PTPN12: variants seen among roughly 807,000 people sequenced by gnomAD.
The protein encoded by PTPN12 is tyrosine-protein phosphatase non-receptor type 12.
Under a neutral mutation model 97.6 loss-of-function variants are expected in PTPN12, and 29 were observed. That is an observed-to-expected ratio of 0.30 (90% CI 0.22 to 0.41). The LOEUF (loss-of-function observed/expected upper bound fraction) is 0.41. PTPN12 is among the 10% of genes least tolerant of loss of function. The pLI is 1.00. For synonymous variants in PTPN12, 327 were observed against 300.4 expected (o/e 1.09, Z -0.91); for missense variants, 819 against 926.0 (o/e 0.88, Z 1.50).
chr7:77,607,838 C>G (rs916947684), intron 9 of PTPN12, among the ~76,000 whole-genome samples: 1 of 151,880 alleles, frequency 6.6e-6, no homozygotes, highest in African/African-American at 2.4e-5. Flanking sequence ...ACTGCAACCT[C>G]CACCTCCTGG....
intron 5 of PTPN12, among the ~76,000 whole-genome samples, chr7:77,587,448 G>A (rs994877838): frequency 2.0e-5 from 3 of 152,146 alleles, no homozygotes; most frequent in African/African-American, 7.2e-5. Context: ...CCATGCAATA[G>A]GGATGGGCTG....
At chr7:77,543,032 G>A (rs559712816) in intron 1 of PTPN12, among the ~76,000 whole-genome samples, 1 of 152,234 alleles carries the variant, frequency 6.6e-6, no homozygotes, top group South Asian at 2.1e-4. Flanking sequence ...TCCTGAGAAG[G>A]TGTGGTCAAG....
intron 5 of PTPN12, among the ~76,000 whole-genome samples, chr7:77,590,301 C>T (rs536694671): frequency 1.3e-5 from 2 of 152,224 alleles, no homozygotes; most frequent in South Asian, 2.1e-4. Context: ...TTAGTCACAC[C>T]GCTTTCTATT....
At chr7:77,589,288 T>C (rs1215431458) in intron 5 of PTPN12, among the ~76,000 whole-genome samples, 2 of 152,200 alleles carry the variant, frequency 1.3e-5, no homozygotes, top group Non-Finnish European at 2.9e-5. Context: ...TTTTCTAACA[T>C]TGGTATTTTT....
chr7:77,549,578 G>GT (rs1807386488), intron 1 of PTPN12, among the ~76,000 whole-genome samples: 2 of 148,438 alleles, frequency 1.3e-5, no homozygotes, highest in African/African-American at 2.5e-5. Flanking sequence ...GTTTTTGTTT[G>GT]TTTGTTTTTT....
At chr7:77,581,637 C>A in intron 3 of PTPN12, 134 bp downstream of exon 3, 1 of 460,262 alleles carries the variant, frequency 2.2e-6, no homozygotes, top group Non-Finnish European at 3.8e-6. Context: ...ACTGCCCTGG[C>A]ACAATGTTTT....
intron 1 of PTPN12, among the ~76,000 whole-genome samples, chr7:77,564,746 GTTTTTTTTTTTTTTTTTTTTT>G (rs764476553): frequency 2.9e-4 from 13 of 45,370 alleles, no homozygotes; most frequent in Non-Finnish European, 5.0e-4. Flanking sequence ...TTGTTGTCGT[GTTTTTTTTTTTTTTTTTTTTT>G]TTTTTTTTTG....
intron 1 of PTPN12, 151 bp from the exon 2 acceptor site, chr7:77,570,927 T>A (rs1787104783): frequency 1.4e-5 from 7 of 510,014 alleles, no homozygotes; most frequent in Non-Finnish European, 2.1e-5. Flanking sequence ...TAAAAGAAAT[T>A]ATCCTTGGGG....
intron 11 of PTPN12, among the ~76,000 whole-genome samples, chr7:77,616,739 A>G (rs1457394976): frequency 6.6e-6 from 1 of 152,180 alleles, no homozygotes; most frequent in Non-Finnish European, 1.5e-5. Context: ...TGGTTATATC[A>G]TTAATGGAAA....
At chr7:77,626,192 G>A (rs1789173681) in intron 12 of PTPN12, among the ~76,000 whole-genome samples, 3 of 152,130 alleles carry the variant, frequency 2.0e-5, no homozygotes, top group Non-Finnish European at 4.4e-5. Flanking sequence ...AGAAATCCAA[G>A]GCAGTCATTA....
At chr7:77,625,472 G>GCTCTCTCTCTCTCTCTCTCTCTCTCTTT (rs1789113324) in intron 12 of PTPN12, among the ~76,000 whole-genome samples, 1 of 33,522 alleles carries the variant, frequency 3.0e-5, no homozygotes, top group Non-Finnish European at 5.0e-5. Context: ...CAGGCTGCTC[G>GCTCTCTCTCTCTCTCTCTCTCTCTCTTT]CTCTCTCTCT....
intron 16 of PTPN12, among the ~76,000 whole-genome samples, chr7:77,637,803 G>A (rs1348827917): frequency 1.5e-5 from 2 of 137,062 alleles, no homozygotes; most frequent in East Asian, 2.3e-4. Flanking sequence ...GTTGCAGTGC[G>A]CCGAGATTGC....
intron 1 of PTPN12, among the ~76,000 whole-genome samples, chr7:77,539,421 C>T (rs775651390): frequency 1.3e-5 from 2 of 152,036 alleles, no homozygotes; most frequent in East Asian, 1.9e-4. Flanking sequence ...ACTTTTTGAT[C>T]TGAAAGGGTT....
chr7:77,543,827 T>C (rs1218717190), intron 1 of PTPN12, among the ~76,000 whole-genome samples: 7 of 152,230 alleles, frequency 4.6e-5, no homozygotes, highest in Non-Finnish European at 4.4e-5. Flanking sequence ...ATCCATGTTA[T>C]AGTATTGATC....
intron 1 of PTPN12, among the ~76,000 whole-genome samples, chr7:77,544,127 T>C (rs558044622): frequency 1.3e-5 from 2 of 152,322 alleles, no homozygotes; most frequent in East Asian, 3.9e-4. Flanking sequence ...TACATTCCAA[T>C]CAGGAATATA....
intron 5 of PTPN12, among the ~76,000 whole-genome samples, chr7:77,590,103 G>T (rs945107856): frequency 1.1e-4 from 16 of 152,164 alleles, no homozygotes; most frequent in African/African-American, 3.9e-4. Context: ...TTTTGACCAT[G>T]GTGCAGTACA....
chr7:77,548,818 A>C (rs1439118899), intron 1 of PTPN12, among the ~76,000 whole-genome samples: 1 of 152,164 alleles, frequency 6.6e-6, no homozygotes, highest in Non-Finnish European at 1.5e-5. Flanking sequence ...AGAACCAAGA[A>C]ATAGAGAGCC....
intron 6 of PTPN12, 109 bp from the exon 7 acceptor site, chr7:77,597,733 T>A (rs901624793): frequency 3.8e-6 from 5 of 1,315,720 alleles, no homozygotes; most frequent in Non-Finnish European, 4.0e-6. Flanking sequence ...ATCTGGAATT[T>A]TAAAGATTAA....
intron 2 of PTPN12, 41 bp downstream of exon 2, chr7:77,571,227 A>C (rs527381666): frequency 1.6e-6 from 2 of 1,286,064 alleles, no homozygotes; most frequent in South Asian, 2.6e-5. Flanking sequence ...TAGAAATGCT[A>C]ATTAGCCTTT....
Sources: gnomAD v4.1 joint callset for allele counts (sites outside exome capture counted in the v4.1 genomes callset) on GRCh38, gnomAD v4.1.1 for gene constraint, MANE v1.5 for transcripts, NCBI Gene and HGNC (gene_info 2026-07-23, HGNC 2026-07-21) for gene names.